SEMA3A: variants seen among roughly 807,000 people sequenced by gnomAD.
The protein encoded by SEMA3A is semaphorin-3A.
Under a neutral mutation model 97.9 loss-of-function variants are expected in SEMA3A, and 29 were observed. That is an observed-to-expected ratio of 0.30 (90% confidence interval 0.22 to 0.40). The LOEUF (loss-of-function observed/expected upper bound fraction) is 0.40, where lower values mean the gene tolerates loss of function less well. SEMA3A is among the 10% of genes least tolerant of loss of function. The pLI, the probability that SEMA3A is intolerant of heterozygous loss-of-function variation, is 1.00. For synonymous variants in SEMA3A, 321 were observed against 323.7 expected (o/e 0.99, Z 0.09); for missense variants, 763 against 951.3 (o/e 0.80, Z 2.60).
At chr7:84,224,587 C>T (rs1422563827) in intron 3 of SEMA3A, among the ~76,000 whole-genome samples, 1 of 151,984 alleles carries the variant, frequency 6.6e-6, no homozygotes, top group Non-Finnish European at 1.5e-5. Flanking sequence ...ATGAACTATA[C>T]ACAATCCATT....
intron 3 of SEMA3A, among the ~76,000 whole-genome samples, chr7:84,222,986 A>T (rs1798914270): frequency 6.6e-6 from 1 of 152,044 alleles, no homozygotes; most frequent in East Asian, 1.9e-4. Context: ...AATGCTTCTC[A>T]ATATAAAATC....
intron 3 of SEMA3A, among the ~76,000 whole-genome samples, chr7:84,299,893 A>G (rs1456687981): frequency 1.3e-4 from 20 of 150,868 alleles, no homozygotes; most frequent in Non-Finnish European, 1.3e-4. Flanking sequence ...TTAACCAGGC[A>G]TGGCGGCAGA....
chr7:84,373,505 T>C (rs181133591), intron 1 of SEMA3A, among the ~76,000 whole-genome samples: 3 of 152,324 alleles, frequency 2.0e-5, no homozygotes, highest in Admixed American at 6.5e-5. Flanking sequence ...TCAGCCTGAC[T>C]TACCCCAAAG....
chr7:84,160,129 C>T (rs1426559994), intron 1 of SEMA3A, among the ~76,000 whole-genome samples: 1 of 151,996 alleles, frequency 6.6e-6, no homozygotes, highest in South Asian at 2.1e-4. Context: ...TATAACGATT[C>T]CACATTTATC....
chr7:84,127,706 A>C (rs930005996), intron 3 of SEMA3A, among the ~76,000 whole-genome samples: 5 of 152,300 alleles, frequency 3.3e-5, no homozygotes, highest in African/African-American at 9.6e-5. Context: ...AGATTGAGTC[A>C]GTCTTTTCCC....
At chr7:84,322,988 A>G (rs1186962570) in intron 2 of SEMA3A, among the ~76,000 whole-genome samples, 1 of 152,148 alleles carries the variant, frequency 6.6e-6, no homozygotes, top group Admixed American at 6.5e-5. Flanking sequence ...TCACTGGACA[A>G]AATTTGGCAA....
rs985940933 is a variant in SEMA3A, at chr7:84,349,003, T to G, written c.-169+22821A>C. Among the ~76,000 whole-genome samples the G allele has an allele frequency of 1.1e-4, 16 of 152,198 alleles. No individual in the cohort carries two copies. The South Asian group carries it at 2.7e-3, about 26-fold the overall frequency. On this transcript the variant is annotated intron_variant, in intron 2 of 3. Coordinates refer to the SEMA3A transcript ENST00000424555. ...CATCTCAAAAAAAAAGTTCTATATTTTTATTTCAGTAGTGGTTACTTGGAT... is the reference window on the plus strand; with the variant it reads ...CATCTCAAAAAAAAAGTTCTATATTGTTATTTCAGTAGTGGTTACTTGGAT...
chr7:84,260,819 A>C (rs1192316748), intron 3 of SEMA3A, among the ~76,000 whole-genome samples: 1 of 152,164 alleles, frequency 6.6e-6, no homozygotes, highest in Admixed American at 6.5e-5. Flanking sequence ...ATGGCAGCAG[A>C]AGGCAGATAG....
intron 4 of SEMA3A, among the ~76,000 whole-genome samples, chr7:84,099,225 C>T (rs1190379474): frequency 1.9e-5 from 2 of 107,734 alleles, no homozygotes; most frequent in East Asian, 3.0e-4. Context: ...CGCCCGCTAC[C>T]ACGCCCGGCT....
At chr7:84,011,987 G>A (rs941985552) in intron 7 of SEMA3A, among the ~76,000 whole-genome samples, 6 of 151,848 alleles carry the variant, frequency 4.0e-5, no homozygotes, top group Admixed American at 6.6e-5. Context: ...GACAAGCACG[G>A]AAAGACAAAT....
intron 1 of SEMA3A, among the ~76,000 whole-genome samples, chr7:84,171,300 A>G (rs768174582): frequency 1.4e-4 from 21 of 152,148 alleles, no homozygotes; most frequent in Non-Finnish European, 2.1e-4. Flanking sequence ...GTGCACTTAG[A>G]TTAATGAAAA....
rs763071923 is a variant in SEMA3A at position 84,151,010 on chromosome 7, CAG to C, written c.113-16061_113-16060del. ...CACCTCACACTGCAGGGTACTCCAA[CAG>C]ACCTGCAGCTGAGGGTCCTTTCTGT... On this transcript the variant is annotated intron_variant, in intron 1 of 16. Coordinates refer to ENST00000265362, the MANE Select transcript of SEMA3A (RefSeq NM_006080.3). Among the ~76,000 whole-genome samples the C allele has an allele frequency of 1.3e-3, 194 of 148,360 alleles. 3 individuals carry two copies. The highest frequency in any genetic ancestry group is 0.011 in the Middle Eastern group (3 of 284).
chr7:84,342,071 T>C (rs1357170139), intron 2 of SEMA3A, among the ~76,000 whole-genome samples: 1 of 152,096 alleles, frequency 6.6e-6, no homozygotes, highest in Non-Finnish European at 1.5e-5. Context: ...GTTTCACCCT[T>C]GTTGCCCAGG....
At chr7:84,205,021 T>A (rs901268224) in intron 3 of SEMA3A, among the ~76,000 whole-genome samples, 2 of 152,286 alleles carry the variant, frequency 1.3e-5, no homozygotes, top group Non-Finnish European at 2.9e-5. Context: ...TTACTAGTAC[T>A]AAATCCTCAA....
At chr7:84,430,819 G>GTGTGTGTGTGTGTA (rs149621698) in intron 1 of SEMA3A, among the ~76,000 whole-genome samples, 32 of 148,474 alleles carry the variant, frequency 2.2e-4, no homozygotes, top group African/African-American at 7.6e-4. Flanking sequence ...GTGTGTGTGT[G>GTGTGTGTGTGTGTA]TGTATTTAGA....
rs945474106 is a variant in SEMA3A at position 84,086,551 on chromosome 7, T to C, written c.453+23919A>G. On this transcript the variant is annotated intron_variant, in intron 4 of 16. Transcript: ENST00000265362. Reference sequence around the variant, plus strand: ...TATATTATTATATTATATTTACATATAATATATTATTATATTATATTTACA... The same window carrying C: ...TATATTATTATATTATATTTACATACAATATATTATTATATTATATTTACA... Among the ~76,000 whole-genome samples the C allele has an allele frequency of 9.8e-5, 6 of 61,286 alleles. No homozygotes were observed. The South Asian group carries it at 1.5e-3, about 15-fold the overall frequency. The allele number at this position is 61,286 out of a possible 152,430, so 40.2% of individuals were successfully genotyped here.
intron 6 of SEMA3A, among the ~76,000 whole-genome samples, chr7:84,024,780 A>T (rs891489862): frequency 1.3e-5 from 2 of 152,178 alleles, no homozygotes; most frequent in African/African-American, 4.8e-5. Context: ...ATACAAATGT[A>T]TGTTTAAAAG....
At chr7:84,056,609 T>C (rs1583887642) in intron 5 of SEMA3A, among the ~76,000 whole-genome samples, 1 of 151,646 alleles carries the variant, frequency 6.6e-6, no homozygotes, top group East Asian at 1.9e-4. Context: ...ACCCCCTCTA[T>C]CACACACACA....
rs150214813 is a variant in SEMA3A, at chr7:84,099,770, C to T, written c.453+10700G>A. ...TTTTCATTTGAGAATTGTAATTTTA[C>T]GCAGCATCTTTCACTCAGTATCAGA... On this transcript the variant is annotated intron_variant, in intron 4 of 16. Coordinates refer to ENST00000265362, the MANE Select transcript of SEMA3A (RefSeq NM_006080.3). Among the ~76,000 whole-genome samples, 1,036 of 152,130 alleles carry T rather than the reference C, an allele frequency of 6.8e-3. 2 individuals carry two copies. The highest frequency in any genetic ancestry group is 0.011 in the Non-Finnish European group (772 of 67,956).
Sources: allele counts gnomAD v4.1 joint callset (sites outside exome capture counted in the v4.1 genomes callset), GRCh38; gene constraint gnomAD v4.1.1; transcripts MANE v1.5; gene names NCBI Gene and HGNC (gene_info 2026-07-23, HGNC 2026-07-21).